Variants in ROBO2 observed in about 807,000 individuals in gnomAD.
The protein encoded by ROBO2 is roundabout homolog 2.
A neutral mutation model predicts 160.8 loss-of-function variants in ROBO2; 53 were observed. The observed-to-expected ratio is 0.33, with a 90% confidence interval of 0.26 to 0.41. The LOEUF (loss-of-function observed/expected upper bound fraction) is 0.41. Ranked by LOEUF, ROBO2 falls within the 10% of genes least tolerant of loss-of-function variation. ROBO2 has a pLI of 1.00. For synonymous variants in ROBO2, 664 were observed against 611.7 expected, an observed-to-expected ratio of 1.09 and a Z score of -1.26; for missense variants, 1,577 against 1,722.4, an observed-to-expected ratio of 0.92 and a Z score of 1.49.
intron 2 of ROBO2, among the ~76,000 whole-genome samples, chr3:76,305,517 T>C (rs1007457670): frequency 7.4e-5 from 11 of 148,780 alleles, no homozygotes; most frequent in African/African-American, 2.7e-4. Flanking sequence ...TCCCAGCACA[T>C]TGGGTGGCTG....
chr3:76,305,201 C>A (rs1247074864), intron 2 of ROBO2, among the ~76,000 whole-genome samples: 1 of 151,326 alleles, frequency 6.6e-6, no homozygotes. Flanking sequence ...TCAGCTTAGG[C>A]AACATAGCCA....
At chr3:76,561,286 G>T (rs1465955558) in intron 2 of ROBO2, among the ~76,000 whole-genome samples, 1 of 151,990 alleles carries the variant, frequency 6.6e-6, no homozygotes, top group Non-Finnish European at 1.5e-5. Context: ...TTAAAGAGAG[G>T]ACGAGAGGAG....
chr3:76,302,487 A>T (rs1284244911), intron 2 of ROBO2, among the ~76,000 whole-genome samples: 1 of 152,080 alleles, frequency 6.6e-6, no homozygotes, highest in Non-Finnish European at 1.5e-5. Context: ...TCAGGGGAGA[A>T]CCGCTAGCTG....
chr3:77,079,136 G>T (rs1029339235), intron 1 of ROBO2, among the ~76,000 whole-genome samples: 9 of 152,010 alleles, frequency 5.9e-5, no homozygotes, highest in Admixed American at 5.2e-4. Context: ...TAGTAGAGAT[G>T]AAGTTTCACC....
At chr3:76,082,995 T>A (rs1361153204) in intron 2 of ROBO2, among the ~76,000 whole-genome samples, 3 of 152,100 alleles carry the variant, frequency 2.0e-5, no homozygotes, top group Non-Finnish European at 4.4e-5. Flanking sequence ...GGTGATGGCA[T>A]ATATGTAATG....
intron 2 of ROBO2, among the ~76,000 whole-genome samples, chr3:76,177,758 G>A (rs750995432): frequency 2.6e-5 from 4 of 152,034 alleles, no homozygotes; most frequent in Non-Finnish European, 5.9e-5. Flanking sequence ...CCTTTTTATT[G>A]TCGGACACTG....
chr3:76,710,986 A>T (rs537822880), intron 2 of ROBO2, among the ~76,000 whole-genome samples: 18 of 152,328 alleles, frequency 1.2e-4, no homozygotes, highest in African/African-American at 4.3e-4. Flanking sequence ...AAATTATAGA[A>T]AATACAATGG....
chr3:77,390,789 C>G (rs1341627237), intron 2 of ROBO2, among the ~76,000 whole-genome samples: 3 of 152,014 alleles, frequency 2.0e-5, no homozygotes, highest in African/African-American at 7.3e-5. Flanking sequence ...TCCTGTAAAC[C>G]CTGCACTCAT....
intron 2 of ROBO2, among the ~76,000 whole-genome samples, chr3:76,381,976 ATTGTT>A (rs760040081): frequency 8.6e-5 from 13 of 151,544 alleles, no homozygotes; most frequent in African/African-American, 1.5e-4. Flanking sequence ...TTTGTTTTCT[ATTGTT>A]TTGTTTTGTT....
intron 2 of ROBO2, among the ~76,000 whole-genome samples, chr3:76,736,156 C>T (rs2093708054): frequency 6.6e-6 from 1 of 151,616 alleles, no homozygotes; most frequent in Non-Finnish European, 1.5e-5. Context: ...GGTGGTGGCG[C>T]CTGCAGTCCC....
At chr3:76,691,833 A>C (rs2107233889) in intron 2 of ROBO2, among the ~76,000 whole-genome samples, 1 of 152,284 alleles carries the variant, frequency 6.6e-6, no homozygotes. Context: ...GCAGAAAAAT[A>C]TGTGGAATAA....
At chr3:76,777,103 A>G (rs1275571463) in intron 2 of ROBO2, among the ~76,000 whole-genome samples, 1 of 151,098 alleles carries the variant, frequency 6.6e-6, no homozygotes, top group Non-Finnish European at 1.5e-5. Flanking sequence ...AGTCTGCACT[A>G]CATCCAAGGG....
At chr3:76,894,445 T>C (rs1386873368) in intron 2 of ROBO2, among the ~76,000 whole-genome samples, 2 of 152,184 alleles carry the variant, frequency 1.3e-5, no homozygotes, top group African/African-American at 4.8e-5. Flanking sequence ...CGACATTGTG[T>C]TGATATATTT....
At chr3:77,617,700 A>T in exon 22 of ROBO2, 2 of 1,614,096 alleles carry the variant, frequency 1.2e-6, no homozygotes, top group Middle Eastern at 1.7e-4. Flanking sequence ...ACGGGAAGAG[A>T]TGCAACCCAT....
chr3:76,806,437 G>T (rs1413914089), intron 2 of ROBO2, among the ~76,000 whole-genome samples: 2 of 151,764 alleles, frequency 1.3e-5, no homozygotes, highest in African/African-American at 4.8e-5. Flanking sequence ...GCCTACAGAA[G>T]AAATATTTTA....
At chr3:76,848,054 C>T (rs1183405835) in intron 2 of ROBO2, among the ~76,000 whole-genome samples, 1 of 152,148 alleles carries the variant, frequency 6.6e-6, no homozygotes, top group Non-Finnish European at 1.5e-5. Context: ...TATGTCATTA[C>T]TTTCTCATGC....
intron 2 of ROBO2, among the ~76,000 whole-genome samples, chr3:76,267,764 G>T (rs1250118587): frequency 1.3e-5 from 2 of 152,066 alleles, no homozygotes; most frequent in Admixed American, 1.3e-4. Flanking sequence ...ATTCTTAATG[G>T]TTAAGCAAAT....
At chr3:77,002,943 T>C (rs891819493) in intron 2 of ROBO2, among the ~76,000 whole-genome samples, 2 of 151,350 alleles carry the variant, frequency 1.3e-5, no homozygotes, top group African/African-American at 4.9e-5. Context: ...TGTCTAGAAA[T>C]ACACTGTAAT....
intron 2 of ROBO2, among the ~76,000 whole-genome samples, chr3:77,101,823 T>G (rs1578981699): frequency 1.3e-5 from 2 of 152,210 alleles, no homozygotes; most frequent in African/African-American, 4.8e-5. Flanking sequence ...GTGGATCACT[T>G]GAGGCCAGGA....
Sources: allele counts gnomAD v4.1 joint callset (sites outside exome capture counted in the v4.1 genomes callset), GRCh38; gene constraint gnomAD v4.1.1; transcripts MANE v1.5; gene names NCBI Gene and HGNC (gene_info 2026-07-23, HGNC 2026-07-21).